The following WASHC5 variants were observed in gnomAD, a reference collection of about 807,000 sequenced individuals.
The protein encoded by WASHC5 is WASH complex subunit 5, also known as WASH complex subunit strumpellin.
A neutral mutation model predicts 150.4 loss-of-function variants in WASHC5; 101 were observed. The observed-to-expected ratio is 0.67, with a 90% CI of 0.57 to 0.79. The LOEUF (loss-of-function observed/expected upper bound fraction) is 0.79. WASHC5 is among the 30% of genes least tolerant of loss of function. WASHC5 has a pLI of 0.00. For synonymous variants in WASHC5, 467 were observed against 491.2 expected, an observed-to-expected ratio of 0.95 and a Z score of 0.65; for missense variants, 1,195 against 1,396.3, an observed-to-expected ratio of 0.86 and a Z score of 2.30.
intron 7 of WASHC5, 67 bp downstream of exon 7, chr8:125,076,281 G>T: frequency 6.8e-7 from 1 of 1,477,904 alleles, no homozygotes; most frequent in African/African-American, 1.4e-5. Flanking sequence ...TGGGTTAAAG[G>T]CCAAAAGAAT....
rs1815968533 is a variant in WASHC5, at chr8:125,043,849, AGTC to A, written c.2823_2825del (p.Trp941_Thr942delinsCys). 1.2e-6 allele frequency: 2 copies of A among 1,611,770 alleles called. No individual in the cohort carries two copies. ...CCTTCATTATAGCCTCGAGATACGC[AGTC>A]CAAATCTTCTGTGTTTTGGCAATGG... On this transcript the variant is annotated inframe_deletion, in exon 23 of 29. Transcript: ENST00000318410.
At chr8:125,060,542 A>G (rs1383284774) in intron 12 of WASHC5, among the ~76,000 whole-genome samples, 1 of 152,136 alleles carries the variant, frequency 6.6e-6, no homozygotes, top group East Asian at 1.9e-4. Flanking sequence ...TATCATTTTA[A>G]ATCTAGTTAA....
chr8:125,029,985 C>T (rs1410927306), intron 27 of WASHC5, among the ~76,000 whole-genome samples: 2 of 152,216 alleles, frequency 1.3e-5, no homozygotes, highest in Admixed American at 1.3e-4. Context: ...TCCCATGCGT[C>T]ACAGGTTCCT....
chr8:125,048,806 T>C (rs747968698), intron 19 of WASHC5, among the ~76,000 whole-genome samples, 200 bp downstream of exon 19: 1 of 152,158 alleles, frequency 6.6e-6, no homozygotes, highest in Non-Finnish European at 1.5e-5. Flanking sequence ...TTTAATGATG[T>C]CTGCCTTCTT....
At chr8:125,050,730 G>T (rs1472766669) in intron 17 of WASHC5, 65 bp from the exon 18 acceptor site, 3 of 1,249,718 alleles carry the variant, frequency 2.4e-6, no homozygotes, top group Non-Finnish European at 2.3e-6. Context: ...AAATCCAGAG[G>T]AAAGATGGCT....
At chr8:125,061,428 T>C (rs1037275789) in intron 11 of WASHC5, among the ~76,000 whole-genome samples, 2 of 152,130 alleles carry the variant, frequency 1.3e-5, no homozygotes. Context: ...AAGGCTCAAG[T>C]GCATGCTATA....
intron 1 of WASHC5, among the ~76,000 whole-genome samples, chr8:125,086,063 A>C (rs1817411984): frequency 6.6e-6 from 1 of 152,180 alleles, no homozygotes; most frequent in South Asian, 2.1e-4. Context: ...ACAGCACCTT[A>C]AGTGAAGGGC....
intron 1 of WASHC5, among the ~76,000 whole-genome samples, chr8:125,085,938 T>G (rs1817406715): frequency 6.6e-6 from 1 of 152,162 alleles, no homozygotes. Context: ...TGCCTTCCCC[T>G]GCAACAATCA....
intron 10 of WASHC5, among the ~76,000 whole-genome samples, chr8:125,066,347 T>C (rs1816743384): frequency 6.6e-6 from 1 of 152,160 alleles, no homozygotes; most frequent in East Asian, 1.9e-4. Context: ...AAGAAACATC[T>C]AATATACTAG....
Position 125,047,271 on chromosome 8 carries a change from CAG to C in WASHC5, c.2438_2439del (p.Pro813ArgfsTer3). 7.4e-6 allele frequency: 12 copies of C among 1,614,108 alleles called. No homozygotes were observed. Among genetic ancestry groups the C allele is most frequent in the Non-Finnish European group, 6.8e-6 (8 of 1,179,956 alleles). The stretch of plus-strand genomic sequence containing the variant: ...CCAATAAACGTTACAGACTCATCCA[CAG>C]GGGTAAACTTGGGTATTGGAATATG... ...STHIPIPKFTPVDESVTFIGR... is the reference protein window; with the variant it reads ...STHIPIPKFTXVDESVTFIGR... On this transcript the variant is annotated frameshift_variant, in exon 20 of 29. Transcript: ENST00000318410. LOFTEE classifies it high-confidence loss of function.
chr8:125,049,293 TC>T, intron 18 of WASHC5, 108 bp from the exon 19 acceptor site: 1 of 1,185,340 alleles, frequency 8.4e-7, no homozygotes, highest in Non-Finnish European at 1.2e-6. Context: ...ATGCGGTGGC[TC>T]CCACCTGTAA....
At chr8:125,066,422 GGCCCACCTGATCCAA>G (rs1327997909) in intron 10 of WASHC5, among the ~76,000 whole-genome samples, 4 of 151,990 alleles carry the variant, frequency 2.6e-5, no homozygotes, top group African/African-American at 9.7e-5. Flanking sequence ...CTAGTTCCTG[GGCCCACCTGATCCAA>G]GCCCCCAGGG....
intron 8 of WASHC5, among the ~76,000 whole-genome samples, chr8:125,074,050 T>A (rs536920455): frequency 1.0e-3 from 152 of 152,326 alleles, no homozygotes; most frequent in African/African-American, 3.2e-3. Context: ...CAAAAATGAA[T>A]TTCCAAACCA....
chr8:125,083,064 C>T (rs1332090505), intron 3 of WASHC5, 49 bp downstream of exon 3: 1 of 1,239,126 alleles, frequency 8.1e-7, no homozygotes, highest in South Asian at 1.2e-5. Flanking sequence ...GTCCTTTTCC[C>T]TCTCCACTAT....
At position 125,063,495 on chromosome 8, in the gene WASHC5, C is replaced by T. The variant is rs762932806; in HGVS notation, c.1408+27G>A. 4 of 1,612,178 alleles carry T rather than the reference C, an allele frequency of 2.5e-6. No individual in the cohort carries two copies. The Middle Eastern group carries it at 5.0e-4, about 200-fold the overall frequency. On this transcript the variant is annotated intron_variant, in intron 11 of 28. Transcript: ENST00000318410. ...ATAACCTGTGCACACATTCCAAACA[C>T]ACCAGTATTTCCTCTTCAGTAATTA...
intron 25 of WASHC5, 42 bp downstream of exon 25, chr8:125,038,788 T>G: frequency 6.2e-7 from 1 of 1,611,282 alleles, no homozygotes; most frequent in Non-Finnish European, 8.5e-7. Context: ...CAAATACCAT[T>G]CTGTACCCCC....
At chr8:125,031,625 G>C (rs2129960885) in intron 27 of WASHC5, among the ~76,000 whole-genome samples, 1 of 152,228 alleles carries the variant, frequency 6.6e-6, no homozygotes, top group African/African-American at 2.4e-5. Context: ...TGACAGCAAA[G>C]GTTATGTAGC....
intron 9 of WASHC5, among the ~76,000 whole-genome samples, chr8:125,069,538 A>G (rs1444776709): frequency 6.6e-6 from 1 of 152,218 alleles, no homozygotes; most frequent in Non-Finnish European, 1.5e-5. Context: ...TGGCAGGTAC[A>G]GAACAACAAT....
intron 11 of WASHC5, among the ~76,000 whole-genome samples, chr8:125,062,157 T>C (rs370592007): frequency 1.3e-5 from 2 of 152,138 alleles, no homozygotes; most frequent in Non-Finnish European, 2.9e-5. Context: ...GATGGAGTAG[T>C]AGAAAGAGCA....
Sources: allele counts gnomAD v4.1 joint callset (sites outside exome capture counted in the v4.1 genomes callset), GRCh38; gene constraint gnomAD v4.1.1; transcripts MANE v1.5; gene names NCBI Gene and HGNC (gene_info 2026-07-23, HGNC 2026-07-21).